ST8SIA6: variants seen among roughly 807,000 people sequenced by gnomAD.
ST8SIA6 encodes the protein alpha-2,8-sialyltransferase 8F.
ST8SIA6 carries 39 observed loss-of-function variants against 33.6 expected under a neutral mutation model. The ratio of observed to expected loss-of-function variants is 1.16; its 90% confidence interval spans 0.90 to 1.52. The LOEUF is 1.52. ST8SIA6 is among the 40% of genes most tolerant of loss of function. ST8SIA6 has a pLI of 0.00. For missense variants in ST8SIA6, 441 were observed against 443.8 expected, an observed-to-expected ratio of 0.99 and a Z score of 0.06; for synonymous variants, 172 against 167.2, an observed-to-expected ratio of 1.03 and a Z score of -0.22.
chr10:17,369,130 T>C (rs1436225193), intron 3 of ST8SIA6, among the ~76,000 whole-genome samples: 2 of 152,216 alleles, frequency 1.3e-5, no homozygotes, highest in African/African-American at 4.8e-5. Flanking sequence ...CCATCATATA[T>C]GTACTGTTAA....
intron 2 of ST8SIA6, among the ~76,000 whole-genome samples, chr10:17,402,741 A>C (rs1851096654): frequency 6.6e-6 from 1 of 151,766 alleles, no homozygotes; most frequent in Admixed American, 6.6e-5. Context: ...ACTTGGACAC[A>C]GGAAGGGGAG....
chr10:17,396,063 A>C (rs1850794600), intron 2 of ST8SIA6, among the ~76,000 whole-genome samples: 1 of 152,172 alleles, frequency 6.6e-6, no homozygotes, highest in South Asian at 2.1e-4. Flanking sequence ...CCGACCCATG[A>C]GTGGAGATGG....
At chr10:17,403,569 T>G (rs1851131036) in intron 2 of ST8SIA6, 1 of 152,354 alleles carries the variant, frequency 6.6e-6, no homozygotes, top group Admixed American at 6.5e-5. Context: ...CAGATTGAAT[T>G]CCTCATTCTA....
chr10:17,326,391 A>G (rs1017965746), intron 6 of ST8SIA6, among the ~76,000 whole-genome samples: 1 of 152,182 alleles, frequency 6.6e-6, no homozygotes, highest in Non-Finnish European at 1.5e-5. Context: ...ATGCTTTGGT[A>G]TGGCTTATTA....
intron 4 of ST8SIA6, among the ~76,000 whole-genome samples, chr10:17,352,676 A>G (rs991297379): frequency 7.9e-5 from 12 of 152,174 alleles, no homozygotes; most frequent in Non-Finnish European, 1.3e-4. Context: ...TGAGTTCCAT[A>G]TACTTTGATG....
At chr10:17,356,134 A>C (rs1427541150) in intron 4 of ST8SIA6, among the ~76,000 whole-genome samples, 1 of 152,192 alleles carries the variant, frequency 6.6e-6, no homozygotes, top group African/African-American at 2.4e-5. Flanking sequence ...GTTCAGTAAG[A>C]AAACATGACA....
At position 17,317,070 on chromosome 10, in the gene ST8SIA6, AG is replaced by A. The variant is rs1469900711; in HGVS notation, c.*3807del. ...TAATTCTCCTACATTTTCTTCTATGAGCTTTAAAGTTTTCTTTTTAATCCAT... is the reference window on the plus strand; with the variant it reads ...TAATTCTCCTACATTTTCTTCTATGACTTTAAAGTTTTCTTTTTAATCCAT... On this transcript the variant is annotated 3_prime_UTR_variant, in exon 8 of 8. Transcript: ENST00000377602. Among the ~76,000 whole-genome samples the A allele has an allele frequency of 6.6e-6, 1 of 152,094 alleles. No individual in the cohort carries two copies. Among genetic ancestry groups the A allele is most frequent in the Non-Finnish European group, 1.5e-5 (1 of 67,998 alleles).
intron 4 of ST8SIA6, among the ~76,000 whole-genome samples, chr10:17,333,840 G>A (rs745436790): frequency 5.5e-5 from 8 of 144,774 alleles, no homozygotes; most frequent in Admixed American, 1.4e-4. Flanking sequence ...TCCTGCCTCA[G>A]CCTCCTGAGT....
At chr10:17,380,980 AG>A (rs36055219) in intron 3 of ST8SIA6, among the ~76,000 whole-genome samples, 42,024 of 148,758 alleles carry the variant, frequency 0.28, 6,557 homozygotes, top group East Asian at 0.64. Flanking sequence ...TCATGTTTTG[AG>A]GGGTTTTTTT....
intron 6 of ST8SIA6, 55 bp downstream of exon 6, chr10:17,326,959 T>C (rs898795114): frequency 7.8e-7 from 1 of 1,279,666 alleles, no homozygotes; most frequent in East Asian, 2.4e-5. Flanking sequence ...ACTATCCCCC[T>C]CTGAAATACC....
At chr10:17,441,737 C>G (rs1014260121) in intron 2 of ST8SIA6, among the ~76,000 whole-genome samples, 3 of 152,250 alleles carry the variant, frequency 2.0e-5, no homozygotes, top group African/African-American at 7.2e-5. Flanking sequence ...AATTAAGTTT[C>G]ATTTGAAAGA....
Position 17,317,762 on chromosome 10 carries a change from A to G in ST8SIA6, c.*3116T>C, listed in dbSNP as rs567671691. Among the ~76,000 whole-genome samples the G allele has an allele frequency of 6.6e-6, 1 of 152,340 alleles. No individual in the cohort carries two copies. The highest frequency in any genetic ancestry group is 1.9e-4 in the East Asian group (1 of 5,190). The stretch of plus-strand genomic sequence containing the variant: ...CAAACACAGGTCTGATTTGCTGCTT[A>G]ATTCTGTATTCTACAGAGAGTCCTC... On this transcript the variant is annotated 3_prime_UTR_variant, in exon 8 of 8. Transcript: ENST00000377602.
At chr10:17,428,093 T>C (rs961257170) in intron 2 of ST8SIA6, among the ~76,000 whole-genome samples, 1 of 152,254 alleles carries the variant, frequency 6.6e-6, no homozygotes, top group Non-Finnish European at 1.5e-5. Flanking sequence ...TTTAGTCTTA[T>C]CTCTAGCAGA....
Position 17,320,794 on chromosome 10 carries a change from T to C in ST8SIA6, c.*84A>G, listed in dbSNP as rs550077939. ...TTTGGGGCTCATCTCAAAATACTCT[T>C]TAGCCACCTCCTTTGGTGTTTGGAG... On this transcript the variant is annotated 3_prime_UTR_variant, in exon 8 of 8. Coordinates refer to ENST00000377602, the MANE Select transcript of ST8SIA6 (RefSeq NM_001004470.3). 1.1e-5 allele frequency: 16 copies of C among 1,451,578 alleles called. No individual in the cohort carries two copies. The highest frequency in any genetic ancestry group is 1.4e-5 in the African/African-American group (1 of 71,040). 89.9% of individuals were successfully genotyped at this position (1,451,578 alleles called of 1,614,324 possible). A position where few individuals can be genotyped will look rare whatever the true frequency, so the allele number is the denominator to read the frequency against.
intron 3 of ST8SIA6, among the ~76,000 whole-genome samples, chr10:17,372,435 T>C (rs1849766265): frequency 6.6e-6 from 1 of 152,192 alleles, no homozygotes; most frequent in South Asian, 2.1e-4. Context: ...ATAGAATAGT[T>C]AGAATTTTAT....
chr10:17,402,769 T>G (rs1326414412), intron 2 of ST8SIA6, among the ~76,000 whole-genome samples: 1 of 151,786 alleles, frequency 6.6e-6, no homozygotes, highest in African/African-American at 2.4e-5. Flanking sequence ...CACCGGGGCT[T>G]GTTGTTGGGG....
intron 4 of ST8SIA6, among the ~76,000 whole-genome samples, chr10:17,348,914 G>A (rs1848940514): frequency 6.6e-6 from 1 of 152,112 alleles, no homozygotes; most frequent in Non-Finnish European, 1.5e-5. Flanking sequence ...GGGCGGGGCG[G>A]GGCGGGAAGC....
chr10:17,433,450 G>A (rs1164377181), intron 2 of ST8SIA6, among the ~76,000 whole-genome samples: 2 of 152,056 alleles, frequency 1.3e-5, no homozygotes, highest in Non-Finnish European at 1.5e-5. Flanking sequence ...TACCATTTTC[G>A]CCCATCAAGC....
Position 17,359,561 on chromosome 10 carries a change from T to C in ST8SIA6, c.330A>G (p.Ile110Met). 6.2e-7 allele frequency: 1 copy of C among 1,608,108 alleles called. No homozygotes were observed. The change falls in exon 4 of 8, where the codon ATA becomes ATG. Residue 110 changes from isoleucine (I) to methionine (M), a missense_variant. Coordinates refer to ENST00000377602, the MANE Select transcript of ST8SIA6 (RefSeq NM_001004470.3). The part of the protein sequence containing the change: ...ENDYLQIITD[I>M]QSCPWKRQAE... ...CTTGCCGTTTCCATGGACAACTCTGTATATCTGTGATAATCTGAAGGTAGT... is the reference window on the plus strand; with the variant it reads ...CTTGCCGTTTCCATGGACAACTCTGCATATCTGTGATAATCTGAAGGTAGT...
Sources: gnomAD v4.1 joint callset for allele counts (sites outside exome capture counted in the v4.1 genomes callset) on GRCh38, gnomAD v4.1.1 for gene constraint, MANE v1.5 for transcripts, NCBI Gene and HGNC (gene_info 2026-07-23, HGNC 2026-07-21) for gene names.